The following PRXL2C variants were observed in gnomAD, a reference collection of about 807,000 sequenced individuals.
PRXL2C encodes the protein peroxiredoxin-like 2C.
Under a neutral mutation model 24.9 loss-of-function variants are expected in PRXL2C, and 38 were observed. That is an observed-to-expected ratio of 1.53 (90% CI 1.18 to 2.00). The LOEUF is 2.00. PRXL2C is among the 30% of genes most tolerant of loss of function. PRXL2C has a pLI of 0.00. For synonymous variants in PRXL2C, 98 were observed against 117.2 expected (o/e 0.84, Z 1.06); for missense variants, 294 against 290.9 (o/e 1.01, Z -0.08).
intron 2 of PRXL2C, among the ~76,000 whole-genome samples, chr9:96,653,050 A>AC (rs547516013): frequency 1.8e-4 from 28 of 152,112 alleles, no homozygotes; most frequent in African/African-American, 4.3e-4. Flanking sequence ...ACACGGTGAA[A>AC]CCCGTCTCTA....
Position 96,655,282 on chromosome 9 carries a change from G to A in PRXL2C, c.-1C>T, listed in dbSNP as rs1848340573. ...GCGTGACCGGGGCCGGCGCGGCCAT[G>A]ACGCGGGGCGGCCGAGGGCCTGGGT... On this transcript the variant is annotated 5_prime_UTR_variant, in exon 1 of 6. Transcript: ENST00000375234. 9.5e-7 allele frequency: 1 copy of A among 1,057,788 alleles called. No homozygotes were observed. Among genetic ancestry groups the A allele is most frequent in the Middle Eastern group, 4.4e-4 (1 of 2,272 alleles). The allele number at this position is 1,057,788 out of a possible 1,614,324, so 65.5% of individuals were successfully genotyped here. A position where few individuals can be genotyped will look rare whatever the true frequency, so the allele number is the denominator to read the frequency against.
chr9:96,655,260 T>C lies in PRXL2C; in HGVS notation c.22A>G (p.Thr8Ala). ...GCGGCGGCGCCGCTAACCTGCCGCG[T>C]GACCGGGGCCGGCGCGGCCATGACG... MAAPAPV[T>A]RQVSGAAALV... Residue 8 changes from threonine (T) to alanine (A), a missense_variant, in exon 1 of 6, where the codon ACG (threonine) becomes GCG (alanine). Physicochemically the swap from Thr to Ala is moderately conservative, Grantham distance 58. Coordinates refer to ENST00000375234, the MANE Select transcript of PRXL2C (RefSeq NM_153698.2). 1.8e-6 allele frequency: 2 copies of C among 1,097,082 alleles called. No individual in the cohort carries two copies. Among genetic ancestry groups the C allele is most frequent in the Non-Finnish European group, 2.2e-6 (2 of 903,268 alleles). 68.0% of individuals were successfully genotyped at this position (1,097,082 alleles called of 1,614,324 possible).
rs552341162 is a variant in PRXL2C at position 96,647,321 on chromosome 9, T to C, written c.422-1297A>G. Among the ~76,000 whole-genome samples the C allele has an allele frequency of 2.6e-5, 4 of 152,342 alleles. No homozygotes were observed. In the East Asian group the frequency reaches 7.7e-4, roughly 29 times the overall value. ...ATTAATTTTTCTCCTATCCTTGCCA[T>C]GTATGTCTTACTTTTAACTTTTTAT... is the stretch of plus-strand genomic sequence containing the variant. On this transcript the variant is annotated intron_variant, in intron 4 of 5. Transcript: ENST00000375234.
intron 2 of PRXL2C, among the ~76,000 whole-genome samples, chr9:96,652,252 T>C (rs1848277582): frequency 6.6e-6 from 1 of 152,132 alleles, no homozygotes; most frequent in African/African-American, 2.4e-5. Flanking sequence ...GGGCTGAGCA[T>C]GGTGGCTTAC....
chr9:96,654,301 G>A (rs988633717), intron 2 of PRXL2C, among the ~76,000 whole-genome samples: 1 of 152,192 alleles, frequency 6.6e-6, no homozygotes, highest in Non-Finnish European at 1.5e-5. Context: ...GTTTGTCCTA[G>A]GGACATGGAA....
chr9:96,653,398 G>A (rs908938660), intron 2 of PRXL2C, among the ~76,000 whole-genome samples: 3 of 152,056 alleles, frequency 2.0e-5, no homozygotes, highest in Non-Finnish European at 4.4e-5. Flanking sequence ...CTATGGAAAC[G>A]AAAAAAGTAG....
rs138525265 is a variant in PRXL2C, at chr9:96,651,752, T to C, written c.262-40A>G. The C allele has an allele frequency of 2.4e-4, 367 of 1,519,700 alleles. 3 individuals are homozygous for C. The East Asian group carries it at 7.9e-3, about 33-fold the overall frequency. 94.1% of individuals were successfully genotyped at this position (1,519,700 alleles called of 1,614,324 possible). On this transcript the variant is annotated intron_variant, in intron 2 of 5. Coordinates refer to ENST00000375234, the MANE Select transcript of PRXL2C (RefSeq NM_153698.2). Reference sequence around the variant, plus strand: ...AAGGACATGTATATATCATTAGAAATTATGCATGTTTTATACAACATCCCT... The same window carrying C: ...AAGGACATGTATATATCATTAGAAACTATGCATGTTTTATACAACATCCCT...
intron 4 of PRXL2C, among the ~76,000 whole-genome samples, chr9:96,651,074 C>G (rs544085268): frequency 3.0e-4 from 46 of 152,006 alleles, no homozygotes; most frequent in Non-Finnish European, 5.3e-4. Flanking sequence ...GTCAGGAGTT[C>G]GAGACCACCC....
rs749375077 is a variant in PRXL2C at position 96,651,720 on chromosome 9, GA to G, written c.262-9del. On this transcript the variant is annotated splice_polypyrimidine_tract_variant and intron_variant, in intron 2 of 5. Coordinates refer to ENST00000375234, the MANE Select transcript of PRXL2C (RefSeq NM_153698.2). ...AAGGGTGACATTTGCTTCCTTAGGA[GA>G]AAAAAAAGGACATGTATATATCATT... 3.9e-5 allele frequency: 62 copies of G among 1,592,676 alleles called. 1 individual carries two copies. In the Admixed American group the frequency reaches 5.6e-4, roughly 14 times the overall value.
At chr9:96,643,524 G>T (rs567007467) in intron 5 of PRXL2C, among the ~76,000 whole-genome samples, 2 of 152,292 alleles carry the variant, frequency 1.3e-5, no homozygotes, top group African/African-American at 4.8e-5. Context: ...GGGATTACAG[G>T]TGTGAGCCAC....
At chr9:96,642,757 A>T (rs187186353) in intron 5 of PRXL2C, among the ~76,000 whole-genome samples, 43 of 152,066 alleles carry the variant, frequency 2.8e-4, no homozygotes, top group Admixed American at 8.5e-4. Flanking sequence ...GATGGCCAGG[A>T]TGGTCTTGAT....
At position 96,643,448 on chromosome 9, in the gene PRXL2C, G is replaced by A. The variant is rs140624192; in HGVS notation, c.554-1562C>T. Among the ~76,000 whole-genome samples, 387 of 152,156 alleles carry A rather than the reference G, an allele frequency of 2.5e-3. 4 individuals are homozygous for A. The highest frequency in any genetic ancestry group is 8.8e-3 in the African/African-American group (366 of 41,516). On this transcript the variant is annotated intron_variant, in intron 5 of 5. Transcript: ENST00000375234. ...TTTTTAGTAGAGATGGGGTTTCACC[G>A]TGTTAGTCAGGATTGTCTCGATCTC... is the stretch of plus-strand genomic sequence containing the variant.
Position 96,645,876 on chromosome 9 carries a change from T to G in PRXL2C, c.553+17A>C. On this transcript the variant is annotated intron_variant, in intron 5 of 5. Transcript: ENST00000375234. ...AGCACAAGACGTCTACTGCTGAACC[T>G]GGGCTTTGATGCTTACCTGGACCTA... 1 of 1,590,764 alleles carries G rather than the reference T, an allele frequency of 6.3e-7. No homozygotes were observed. The highest frequency in any genetic ancestry group is 8.5e-7 in the Non-Finnish European group (1 of 1,172,322).
intron 4 of PRXL2C, among the ~76,000 whole-genome samples, chr9:96,648,338 ACTT>A (rs1848223235): frequency 6.6e-6 from 1 of 152,206 alleles, no homozygotes; most frequent in Non-Finnish European, 1.5e-5. Context: ...GTTTGAATTT[ACTT>A]CTTTTGTGTC....
rs1848337444 is a variant in PRXL2C, at chr9:96,655,171, C to T, written c.111G>A (p.Leu37=). The T allele has an allele frequency of 4.1e-6, 5 of 1,232,536 alleles. No homozygotes were observed. Among genetic ancestry groups the T allele is most frequent in the Non-Finnish European group, 3.0e-6 (3 of 990,064 alleles). The allele number at this position is 1,232,536 out of a possible 1,614,324, so 76.3% of individuals were successfully genotyped here. ...GQPLAAAVAE[L]PVLDARGQRV... Reference sequence around the variant, plus strand: ...GCTGCCCGCGGGCGTCCAGCACCGGCAGCTCGGCCACGGCGGCCGCCAGGG... The same window carrying T: ...GCTGCCCGCGGGCGTCCAGCACCGGTAGCTCGGCCACGGCGGCCGCCAGGG... Residue 37 remains leucine, a synonymous_variant, in exon 1 of 6, where the codon CTG becomes CTA. Transcript: ENST00000375234.
Position 96,640,676 on chromosome 9 carries a change from C to CA in PRXL2C, c.*1082dup, listed in dbSNP as rs1390877258. ...TGAAACCCCGTCTCTAATAAAAATA[C>CA]AAAAAATTAGCCGGGCGTGGTGGTG... On this transcript the variant is annotated 3_prime_UTR_variant, in exon 6 of 6. Transcript: ENST00000375234. 2.0e-5 allele frequency: 3 copies of CA among 149,466 alleles called. No individual in the cohort carries two copies. Among genetic ancestry groups the CA allele is most frequent in the Non-Finnish European group, 4.4e-5 (3 of 67,544 alleles). 9.3% of individuals were successfully genotyped at this position (149,466 alleles called of 1,614,324 possible). A position where few individuals can be genotyped will look rare whatever the true frequency, so the allele number is the denominator to read the frequency against.
In PRXL2C at chr9:96,655,310, G is replaced by A; in HGVS notation, c.-29C>T. 9.7e-7 allele frequency: 1 copy of A among 1,035,966 alleles called. No individual in the cohort carries two copies. Among genetic ancestry groups the A allele is most frequent in the Non-Finnish European group, 1.2e-6 (1 of 862,748 alleles). The allele number at this position is 1,035,966 out of a possible 1,614,324, so 64.2% of individuals were successfully genotyped here. A position where few individuals can be genotyped will look rare whatever the true frequency, so the allele number is the denominator to read the frequency against. On this transcript the variant is annotated 5_prime_UTR_variant, in exon 1 of 6. Transcript: ENST00000375234. ...GCGGGGCGGCCGAGGGCCTGGGTCC[G>A]CTCTGTCAGCGCGGACCGGGGCGGG...
chr9:96,654,931 CCTCGCCCTCTCCCTG>C, intron 1 of PRXL2C, 144 bp downstream of exon 1: 1 of 1,195,116 alleles, frequency 8.4e-7, no homozygotes, highest in Non-Finnish European at 1.1e-6. Context: ...CGGGCCTCGC[CCTCGCCCTCTCCCTG>C]CCCCGCCCTA....
chr9:96,643,407 C>T (rs1283065769), intron 5 of PRXL2C, among the ~76,000 whole-genome samples: 4 of 152,086 alleles, frequency 2.6e-5, no homozygotes, highest in African/African-American at 7.2e-5. Flanking sequence ...CCACCATACC[C>T]GGCTAATTTT....
Sources: gnomAD v4.1 joint callset for allele counts (sites outside exome capture counted in the v4.1 genomes callset) on GRCh38, gnomAD v4.1.1 for gene constraint, MANE v1.5 for transcripts, NCBI Gene and HGNC (gene_info 2026-07-23, HGNC 2026-07-21) for gene names.